KIAA0825: variants seen among roughly 807,000 people sequenced by gnomAD.
The protein encoded by KIAA0825 is KIAA0825.
KIAA0825 carries 119 observed loss-of-function variants against 147.6 expected under a neutral mutation model. The ratio of observed to expected loss-of-function variants is 0.81; its 90% CI spans 0.69 to 0.94. The LOEUF (loss-of-function observed/expected upper bound fraction) is 0.94, where lower values mean the gene tolerates loss of function less well. Ranked by LOEUF, KIAA0825 falls within the 40% of genes least tolerant of loss-of-function variation. The probability of loss-of-function intolerance (pLI) is 0.00; values close to 1 mark genes in which losing one functional copy is unlikely to be tolerated. For synonymous variants in KIAA0825, 470 were observed against 518.1 expected (o/e 0.91, Z 1.26); for missense variants, 1,381 against 1,472.7 (o/e 0.94, Z 1.02).
chr5:94,545,077 G>A (rs1774084855), intron 2 of KIAA0825, among the ~76,000 whole-genome samples: 1 of 152,206 alleles, frequency 6.6e-6, no homozygotes, highest in Non-Finnish European at 1.5e-5. Flanking sequence ...TGGGGGGCTG[G>A]CACTGAACTC....
chr5:94,449,870 G>A (rs1227072667), intron 13 of KIAA0825, among the ~76,000 whole-genome samples: 1 of 152,192 alleles, frequency 6.6e-6, no homozygotes, highest in South Asian at 2.1e-4. Flanking sequence ...CTTGAGGTCA[G>A]GAGTTTGAGG....
At chr5:94,523,750 T>G (rs73145055) in intron 4 of KIAA0825, among the ~76,000 whole-genome samples, 180 bp downstream of exon 4, 1,576 of 151,548 alleles carry the variant, frequency 0.01, 28 homozygotes, top group African/African-American at 0.035. Flanking sequence ...AAATCATAGT[T>G]AAAAATTAAA....
chr5:94,223,788 G>A (rs980934281), intron 20 of KIAA0825, among the ~76,000 whole-genome samples: 1 of 152,006 alleles, frequency 6.6e-6, no homozygotes, highest in African/African-American at 2.4e-5. Context: ...CATATGCTAG[G>A]TAATAATTTT....
chr5:94,482,107 T>C (rs982322510), intron 6 of KIAA0825, among the ~76,000 whole-genome samples: 6 of 152,090 alleles, frequency 3.9e-5, no homozygotes, highest in Non-Finnish European at 7.4e-5. Context: ...CATCGAATCA[T>C]GACCAAACAA....
At chr5:94,296,794 C>T (rs1317546496) in intron 20 of KIAA0825, among the ~76,000 whole-genome samples, 1 of 152,152 alleles carries the variant, frequency 6.6e-6, no homozygotes, top group South Asian at 2.1e-4. Flanking sequence ...CACCTGCCTT[C>T]TGCATTGATC....
At chr5:94,160,663 T>G (rs1767487085) in intron 20 of KIAA0825, among the ~76,000 whole-genome samples, 1 of 148,954 alleles carries the variant, frequency 6.7e-6, no homozygotes. Flanking sequence ...ATATACTGTA[T>G]GTATGTATAT....
At chr5:94,194,946 C>T (rs561665521) in intron 20 of KIAA0825, among the ~76,000 whole-genome samples, 1 of 152,268 alleles carries the variant, frequency 6.6e-6, no homozygotes, top group South Asian at 2.1e-4. Context: ...GGGTACTGTC[C>T]ATACATCATT....
intron 10 of KIAA0825, among the ~76,000 whole-genome samples, chr5:94,469,173 CTT>C (rs879452271): frequency 6.9e-6 from 1 of 144,438 alleles, no homozygotes; most frequent in African/African-American, 2.5e-5. Context: ...GATGACTGTT[CTT>C]TTTTTTTTTT....
At chr5:94,465,788 G>A (rs911290433) in intron 10 of KIAA0825, among the ~76,000 whole-genome samples, 2 of 152,116 alleles carry the variant, frequency 1.3e-5, no homozygotes, top group Non-Finnish European at 2.9e-5. Context: ...GATCTCTTCT[G>A]TGTGCCAAAT....
At chr5:94,397,497 T>C (rs1344165011) in intron 16 of KIAA0825, among the ~76,000 whole-genome samples, 1 of 152,226 alleles carries the variant, frequency 6.6e-6, no homozygotes, top group Admixed American at 6.5e-5. Flanking sequence ...TTCCAATTAA[T>C]TTTTAAATGA....
intron 17 of KIAA0825, among the ~76,000 whole-genome samples, chr5:94,395,641 A>G (rs753715146): frequency 1.3e-5 from 2 of 152,166 alleles, no homozygotes; most frequent in African/African-American, 2.4e-5. Flanking sequence ...GGATTCTTAC[A>G]TTACCAGATG....
chr5:94,598,207 T>A (rs1029265704), intron 1 of KIAA0825, among the ~76,000 whole-genome samples: 4 of 152,158 alleles, frequency 2.6e-5, no homozygotes, highest in African/African-American at 4.8e-5. Flanking sequence ...AATATTTACC[T>A]TTATAGCCTT....
intron 16 of KIAA0825, among the ~76,000 whole-genome samples, chr5:94,397,124 T>G (rs1750768240): frequency 6.6e-6 from 1 of 152,178 alleles, no homozygotes; most frequent in African/African-American, 2.4e-5. Flanking sequence ...GTCCTTTTCC[T>G]GCACACTGTC....
At chr5:94,270,106 A>G (rs1234667014) in intron 20 of KIAA0825, among the ~76,000 whole-genome samples, 11 of 152,182 alleles carry the variant, frequency 7.2e-5, no homozygotes, top group Admixed American at 7.2e-4. Flanking sequence ...AAAGAAATCC[A>G]AAACCTGAAC....
chr5:94,440,910 T>C (rs2150843763), intron 13 of KIAA0825, among the ~76,000 whole-genome samples: 1 of 152,050 alleles, frequency 6.6e-6, no homozygotes, highest in East Asian at 1.9e-4. Flanking sequence ...GGAAATCAAC[T>C]TACAAGGAGA....
At chr5:94,507,704 A>G (rs1765924511) in intron 5 of KIAA0825, among the ~76,000 whole-genome samples, 1 of 152,062 alleles carries the variant, frequency 6.6e-6, no homozygotes, top group Non-Finnish European at 1.5e-5. Context: ...AAAAAAAAAA[A>G]GGAAAAGCCT....
intron 5 of KIAA0825, among the ~76,000 whole-genome samples, chr5:94,490,201 C>T (rs906668880): frequency 3.3e-5 from 5 of 152,122 alleles, no homozygotes; most frequent in South Asian, 4.2e-4. Context: ...GCCATAGTAT[C>T]GCAGAACTCA....
intron 2 of KIAA0825, among the ~76,000 whole-genome samples, chr5:94,579,938 T>C (rs921324840): frequency 1.3e-5 from 2 of 152,188 alleles, no homozygotes; most frequent in African/African-American, 4.8e-5. Flanking sequence ...CAAACTTAAA[T>C]ACATTGCAAC....
chr5:94,580,212 C>A (rs541932685), intron 2 of KIAA0825, among the ~76,000 whole-genome samples: 1 of 152,188 alleles, frequency 6.6e-6, no homozygotes, highest in Admixed American at 6.5e-5. Context: ...TTGATTAAAA[C>A]CAGAGCCAGG....
Sources: gnomAD v4.1 joint callset for allele counts (sites outside exome capture counted in the v4.1 genomes callset) on GRCh38, gnomAD v4.1.1 for gene constraint, MANE v1.5 for transcripts, NCBI Gene and HGNC (gene_info 2026-07-23, HGNC 2026-07-21) for gene names.